Variants in KIAA1217 observed in about 807,000 individuals in gnomAD.
KIAA1217 encodes the protein KIAA1217.
KIAA1217 carries 88 observed loss-of-function variants against 163.9 expected under a neutral mutation model. That is an observed-to-expected ratio of 0.54 (90% CI 0.45 to 0.64). KIAA1217 has a LOEUF of 0.64. Ranked by LOEUF, KIAA1217 falls within the 30% of genes least tolerant of loss-of-function variation. The pLI is 0.00. For missense variants in KIAA1217, 2,372 were observed against 2,475.0 expected, an observed-to-expected ratio of 0.96 and a Z score of 0.88; for synonymous variants, 903 against 923.1, an observed-to-expected ratio of 0.98 and a Z score of 0.39.
intron 2 of KIAA1217, among the ~76,000 whole-genome samples, chr10:24,334,956 T>C (rs1288769009): frequency 6.6e-6 from 1 of 152,166 alleles, no homozygotes; most frequent in Non-Finnish European, 1.5e-5. Flanking sequence ...TAAATGCAAA[T>C]GGAATCCACA....
At chr10:23,745,102 G>C (rs1457282695) in intron 1 of KIAA1217, among the ~76,000 whole-genome samples, 1 of 152,172 alleles carries the variant, frequency 6.6e-6, no homozygotes, top group Non-Finnish European at 1.5e-5. Context: ...AACCATCACA[G>C]CCTCCAAAGA....
chr10:23,956,620 T>C (rs1348798140), intron 1 of KIAA1217, among the ~76,000 whole-genome samples: 7 of 152,072 alleles, frequency 4.6e-5, no homozygotes, highest in Non-Finnish European at 1.0e-4. Context: ...ACTGGGTAAT[T>C]TGTAGAGAAA....
chr10:24,267,639 T>G (rs2076361935), intron 2 of KIAA1217, among the ~76,000 whole-genome samples: 1 of 152,196 alleles, frequency 6.6e-6, no homozygotes, highest in Non-Finnish European at 1.5e-5. Flanking sequence ...GAGTTGATCC[T>G]AAGAGAATGA....
chr10:24,264,809 CTCTT>C (rs2076075825), intron 2 of KIAA1217, among the ~76,000 whole-genome samples: 6 of 150,736 alleles, frequency 4.0e-5, no homozygotes, highest in Non-Finnish European at 5.9e-5. Context: ...CTCTCATTCT[CTCTT>C]TCTCTCTCTC....
intron 2 of KIAA1217, among the ~76,000 whole-genome samples, chr10:24,264,112 G>A (rs930570900): frequency 3.3e-5 from 5 of 152,058 alleles, no homozygotes; most frequent in Non-Finnish European, 7.4e-5. Flanking sequence ...GCCCACCTCG[G>A]CCTCCCAAAG....
In KIAA1217 at chr10:24,097,785, G is replaced by A. The variant is rs140514442; in HGVS notation, c.-171+90411G>A. On this transcript the variant is annotated intron_variant, in intron 2 of 18. Transcript: ENST00000376462. Reference sequence around the variant, plus strand: ...CTTCCAAATCAGGACCATCTGCAAGGAAAGCTGAAGTGAAATCATTATTTA... The same window carrying A: ...CTTCCAAATCAGGACCATCTGCAAGAAAAGCTGAAGTGAAATCATTATTTA... 1.2e-3 allele frequency among the ~76,000 whole-genome samples: 188 copies of A among 152,284 alleles called. 2 individuals carry two copies. The highest frequency in any genetic ancestry group is 0.01 in the Middle Eastern group (3 of 294).
chr10:24,107,696 C>T (rs2062685740), intron 2 of KIAA1217, among the ~76,000 whole-genome samples: 1 of 152,098 alleles, frequency 6.6e-6, no homozygotes. Flanking sequence ...TTGAGAACAT[C>T]ACCAAGTCTA....
intron 10 of KIAA1217, 56 bp downstream of exon 10, chr10:24,513,490 T>C: frequency 1.3e-5 from 21 of 1,560,050 alleles, no homozygotes; most frequent in Non-Finnish European, 1.8e-5. Flanking sequence ...AAAATTATCA[T>C]TACTAAGAAG....
intron 2 of KIAA1217, among the ~76,000 whole-genome samples, chr10:24,175,441 A>G (rs1293562636): frequency 1.6e-5 from 2 of 125,772 alleles, no homozygotes; most frequent in Non-Finnish European, 3.3e-5. Flanking sequence ...TGGTGTATAT[A>G]TATGTGTGTG....
At chr10:23,812,699 AT>A (rs1411577283) in intron 1 of KIAA1217, among the ~76,000 whole-genome samples, 1 of 151,864 alleles carries the variant, frequency 6.6e-6, no homozygotes, top group Non-Finnish European at 1.5e-5. Flanking sequence ...CCTCCCATCA[AT>A]TTTCTACTCC....
At chr10:24,370,511 C>G (rs748495562) in intron 2 of KIAA1217, among the ~76,000 whole-genome samples, 1 of 152,086 alleles carries the variant, frequency 6.6e-6, no homozygotes, top group Non-Finnish European at 1.5e-5. Flanking sequence ...ATTGTTCGTG[C>G]CTTTATAAAA....
intron 1 of KIAA1217, among the ~76,000 whole-genome samples, chr10:23,818,212 T>C (rs901070055): frequency 2.1e-5 from 3 of 144,058 alleles, no homozygotes; most frequent in African/African-American, 7.6e-5. Flanking sequence ...ATATTTTTTT[T>C]GCATCTATAG....
chr10:24,532,037 T>C, intron 15 of KIAA1217, 44 bp downstream of exon 15: 1 of 1,437,882 alleles, frequency 7.0e-7, no homozygotes, highest in Non-Finnish European at 9.2e-7. Context: ...TGGGTTCAGA[T>C]GATACCCTTA....
chr10:24,098,656 G>C (rs1202225879), intron 2 of KIAA1217, among the ~76,000 whole-genome samples: 2 of 151,834 alleles, frequency 1.3e-5, no homozygotes, highest in Admixed American at 6.6e-5. Flanking sequence ...TTCATAGGCT[G>C]TTAGTCTGCT....
At chr10:24,229,165 T>G (rs7081091) in intron 2 of KIAA1217, among the ~76,000 whole-genome samples, 56,673 of 152,118 alleles carry the variant, frequency 0.37, 10,902 homozygotes, top group Non-Finnish European at 0.42. Flanking sequence ...GAAGGTACCT[T>G]CCAGTGAAGG....
intron 5 of KIAA1217, chr10:24,466,759 G>A (rs577599279): frequency 3.9e-5 from 38 of 985,418 alleles, no homozygotes; most frequent in East Asian, 1.1e-4. Flanking sequence ...TACTCACGGC[G>A]TTAGTTACAC....
chr10:24,107,093 C>G (rs1162269326), intron 2 of KIAA1217, among the ~76,000 whole-genome samples: 2 of 152,158 alleles, frequency 1.3e-5, no homozygotes, highest in African/African-American at 4.8e-5. Flanking sequence ...TGTCCATGTG[C>G]ACTCAGTGTT....
intron 1 of KIAA1217, among the ~76,000 whole-genome samples, chr10:23,957,643 A>C (rs1589141504): frequency 6.6e-6 from 1 of 152,140 alleles, no homozygotes; most frequent in Middle Eastern, 3.4e-3. Flanking sequence ...ACTTGCTTGA[A>C]CCTGGGAGGT....
rs550330273 is a variant in KIAA1217, at chr10:24,123,125, A to C, written c.-170-96501A>C. Among the ~76,000 whole-genome samples the C allele has an allele frequency of 1.8e-3, 194 of 107,074 alleles. 1 individual carries two copies. Among genetic ancestry groups the C allele is most frequent in the African/African-American group, 6.7e-3 (186 of 27,778 alleles). 70.2% of individuals were successfully genotyped at this position (107,074 alleles called of 152,430 possible). ...TGTATTTTGGTATCTTGGCATTTTT[A>C]CTGTGTGTTTGTGTGTGTGTGTGTG... On this transcript the variant is annotated intron_variant, in intron 2 of 18. Coordinates refer to the KIAA1217 transcript ENST00000376462.
Sources: allele counts gnomAD v4.1 joint callset (sites outside exome capture counted in the v4.1 genomes callset), GRCh38; gene constraint gnomAD v4.1.1; transcripts MANE v1.5; gene names NCBI Gene and HGNC (gene_info 2026-07-23, HGNC 2026-07-21).